Variants in TENM4 observed in about 807,000 individuals in gnomAD.
The protein encoded by TENM4 is teneurin-4.
TENM4 carries 82 observed loss-of-function variants against 243.3 expected under a neutral mutation model. That is an observed-to-expected ratio of 0.34 (90% CI 0.28 to 0.40). The LOEUF is 0.40. Among genes scored for constraint, TENM4 ranks in the 10% least tolerant of loss-of-function variants. The pLI, the probability that TENM4 is intolerant of heterozygous loss-of-function variation, is 1.00. For synonymous variants in TENM4, 1,412 were observed against 1,456.3 expected (o/e 0.97, Z 0.69); for missense variants, 3,138 against 3,673.3 (o/e 0.85, Z 3.77).
chr11:78,928,564 G>T lies in TENM4; in HGVS notation c.494-25041C>A, dbSNP rs556020748. Reference sequence around the variant, plus strand: ...TAATTAAAAAGGGATAAAGTGGGGGGTTACAAGTCTGGGCTTTAGAATCAG... The same window carrying T: ...TAATTAAAAAGGGATAAAGTGGGGGTTTACAAGTCTGGGCTTTAGAATCAG... On this transcript the variant is annotated intron_variant, in intron 6 of 33. Transcript: ENST00000278550. 5.3e-5 allele frequency among the ~76,000 whole-genome samples: 8 copies of T among 152,308 alleles called. No homozygotes were observed. In the South Asian group the frequency reaches 1.7e-3, roughly 32 times the overall value.
intron 1 of TENM4, among the ~76,000 whole-genome samples, chr11:79,349,920 C>T (rs1251102853): frequency 6.6e-5 from 10 of 152,214 alleles, no homozygotes; most frequent in African/African-American, 9.6e-5. Flanking sequence ...TGCCAAGTCT[C>T]ATGTCTGGAT....
intron 4 of TENM4, among the ~76,000 whole-genome samples, chr11:79,084,163 T>A (rs568202814): frequency 2.6e-5 from 4 of 152,286 alleles, no homozygotes; most frequent in Admixed American, 2.6e-4. Flanking sequence ...TAAACCACAG[T>A]GAGCTATCAC....
chr11:79,388,548 A>G (rs1403722867), intron 1 of TENM4, among the ~76,000 whole-genome samples: 1 of 152,130 alleles, frequency 6.6e-6, no homozygotes, highest in Non-Finnish European at 1.5e-5. Flanking sequence ...CCCCCACTAG[A>G]TCTGGCTCCT....
At chr11:79,368,695 A>G (rs1857723220) in intron 1 of TENM4, among the ~76,000 whole-genome samples, 1 of 152,234 alleles carries the variant, frequency 6.6e-6, no homozygotes, top group Non-Finnish European at 1.5e-5. Context: ...AATGTGGATC[A>G]TAACAGCACC....
chr11:79,196,718 CAG>C (rs1863635007), intron 3 of TENM4, among the ~76,000 whole-genome samples: 1 of 152,160 alleles, frequency 6.6e-6, no homozygotes, highest in South Asian at 2.1e-4. Context: ...CACTTGTTCT[CAG>C]GCTTCTGGCC....
chr11:78,778,522 A>G (rs1347344444), intron 17 of TENM4, 80 bp downstream of exon 17: 1 of 1,438,992 alleles, frequency 6.9e-7, no homozygotes, highest in Non-Finnish European at 9.6e-7. Context: ...ATACATTTTT[A>G]TATACACATT....
chr11:79,089,487 T>A (rs1860894800), intron 4 of TENM4, among the ~76,000 whole-genome samples: 1 of 152,174 alleles, frequency 6.6e-6, no homozygotes, highest in Non-Finnish European at 1.5e-5. Flanking sequence ...AGCAAGTAAT[T>A]GGATCTACCT....
chr11:79,036,617 T>A (rs58390376), intron 6 of TENM4, among the ~76,000 whole-genome samples: 1,547 of 152,296 alleles, frequency 0.01, 32 homozygotes, highest in African/African-American at 0.036. Flanking sequence ...CACAGCAAGA[T>A]GCAGACACCC....
At chr11:79,328,841 TTCCC>T (rs1469152822) in intron 1 of TENM4, among the ~76,000 whole-genome samples, 2 of 152,172 alleles carry the variant, frequency 1.3e-5, no homozygotes, top group Admixed American at 6.5e-5. Flanking sequence ...TTTCTTCTTC[TTCCC>T]AGAAGAAGAA....
At chr11:79,277,957 C>A (rs748180620) in intron 2 of TENM4, among the ~76,000 whole-genome samples, 3 of 152,196 alleles carry the variant, frequency 2.0e-5, no homozygotes, top group Non-Finnish European at 4.4e-5. Flanking sequence ...AGCCTTCCTG[C>A]TGAGAACTCA....
At chr11:79,251,222 T>C (rs1284684477) in intron 2 of TENM4, among the ~76,000 whole-genome samples, 1 of 152,204 alleles carries the variant, frequency 6.6e-6, no homozygotes, top group African/African-American at 2.4e-5. Flanking sequence ...TCTGACACCC[T>C]GAATAAGGTC....
intron 27 of TENM4, 87 bp from the exon 28 acceptor site, chr11:78,702,490 C>G (rs1859132709): frequency 4.0e-6 from 6 of 1,485,832 alleles, no homozygotes; most frequent in Non-Finnish European, 5.4e-6. Context: ...ATAACAGTGT[C>G]CAAAGTGGCT....
At chr11:79,033,899 A>T (rs1049347364) in intron 6 of TENM4, among the ~76,000 whole-genome samples, 1 of 152,234 alleles carries the variant, frequency 6.6e-6, no homozygotes, top group African/African-American at 2.4e-5. Context: ...TTTCGTGTTT[A>T]AATTCCCTGA....
rs1157993002 is a variant in TENM4 at position 79,373,530 on chromosome 11, G to C, written c.-321+66979C>G. Among the ~76,000 whole-genome samples, 6 of 152,242 alleles carry C rather than the reference G, an allele frequency of 3.9e-5. No homozygotes were observed. The East Asian group carries it at 1.2e-3, about 29-fold the overall frequency. On this transcript the variant is annotated intron_variant, in intron 1 of 33. Transcript: ENST00000278550. Reference sequence around the variant, plus strand: ...AATTCATGGGTAGATACATGGGTGGGTGGGTGGATGGATAGTCAGGAGGCA... The same window carrying C: ...AATTCATGGGTAGATACATGGGTGGCTGGGTGGATGGATAGTCAGGAGGCA...
chr11:78,880,457 T>TAAAAAA (rs71763484), intron 9 of TENM4, among the ~76,000 whole-genome samples: 11 of 104,592 alleles, frequency 1.1e-4, no homozygotes, highest in African/African-American at 6.1e-4. Flanking sequence ...CAATAAATAC[T>TAAAAAA]AAAAAAAAAA....
intron 1 of TENM4, among the ~76,000 whole-genome samples, chr11:79,373,005 G>A (rs1426631636): frequency 6.6e-6 from 1 of 152,176 alleles, no homozygotes; most frequent in Non-Finnish European, 1.5e-5. Context: ...ACAACGAAAT[G>A]CTTAGGATAG....
At chr11:79,313,651 G>A (rs1309900098) in intron 1 of TENM4, among the ~76,000 whole-genome samples, 1 of 152,104 alleles carries the variant, frequency 6.6e-6, no homozygotes, top group Non-Finnish European at 1.5e-5. Context: ...CAAGTGTGTT[G>A]GGTCCCAGCA....
At chr11:79,415,293 T>C (rs1166369022) in intron 1 of TENM4, among the ~76,000 whole-genome samples, 1 of 152,248 alleles carries the variant, frequency 6.6e-6, no homozygotes, top group Admixed American at 6.5e-5. Context: ...AGCACTCATG[T>C]CTATGCCCCC....
intron 4 of TENM4, among the ~76,000 whole-genome samples, chr11:79,109,139 G>A (rs17137751): frequency 0.052 from 7,896 of 152,228 alleles, 218 homozygotes; most frequent in African/African-American, 0.06. Context: ...AGGGACATGC[G>A]ACACTTCAAG....
Sources: gnomAD v4.1 joint callset for allele counts (sites outside exome capture counted in the v4.1 genomes callset) on GRCh38, gnomAD v4.1.1 for gene constraint, MANE v1.5 for transcripts, NCBI Gene and HGNC (gene_info 2026-07-23, HGNC 2026-07-21) for gene names.